The following TMEM17 variants were observed in gnomAD, a reference collection of about 807,000 sequenced individuals.
The protein encoded by TMEM17 is transmembrane protein 17.
A neutral mutation model predicts 19.1 loss-of-function variants in TMEM17; 15 were observed. The ratio of observed to expected loss-of-function variants is 0.78; its 90% CI spans 0.52 to 1.21. The LOEUF is 1.21. Ranked by LOEUF, TMEM17 falls within the 50% of genes most tolerant of loss-of-function variation. The probability of loss-of-function intolerance (pLI) is 0.00; values close to 1 mark genes in which losing one functional copy is unlikely to be tolerated. For missense variants in TMEM17, 245 were observed against 242.3 expected (o/e 1.01, Z -0.07); for synonymous variants, 103 against 86.9 (o/e 1.19, Z -1.03).
At chr2:62,470,938 G>A in the TMEM17 span, among the ~76,000 whole-genome samples, 1 of 152,212 alleles carries the variant, frequency 6.6e-6, no homozygotes, top group South Asian at 2.1e-4. Flanking sequence ...AGCAAAGCCT[G>A]TTTGCAAACA....
the TMEM17 span, among the ~76,000 whole-genome samples, chr2:62,477,838 C>G: frequency 6.6e-6 from 1 of 152,336 alleles, no homozygotes; most frequent in East Asian, 1.9e-4. Flanking sequence ...CAGAGCATCT[C>G]TACATTCCTT....
At chr2:62,464,640 A>G in the TMEM17 span, among the ~76,000 whole-genome samples, 1 of 152,238 alleles carries the variant, frequency 6.6e-6, no homozygotes, top group African/African-American at 2.4e-5. Context: ...GGGAAATTGC[A>G]ACAGAGAAAG....
rs1044780562 is a variant in TMEM17, at chr2:62,506,120, G to T, written c.10C>A (p.Pro4Thr). 11 of 1,609,216 alleles carry T rather than the reference G, an allele frequency of 6.8e-6. No individual in the cohort carries two copies. The highest frequency in any genetic ancestry group is 9.3e-6 in the Non-Finnish European group (11 of 1,178,126). MEL[P>T]DPVRQRLGNF... is the part of the protein sequence containing the mutation. ...CCCAGCCGCTGGCGCACCGGATCCG[G>T]CAGCTCCATGCCTGGGCCTCAGTAT... Residue 4 changes from proline to threonine, a missense_variant, in exon 1 of 4, where the codon CCG (proline) becomes ACG (threonine). Pro to Thr is a conservative substitution (Grantham distance 38). Transcript: ENST00000335390.
chr2:62,500,413 C>T lies in TMEM17; in HGVS notation c.*796G>A, dbSNP rs1316963917. The T allele has an allele frequency of 6.6e-6, 1 of 152,026 alleles. No individual in the cohort carries two copies. Among genetic ancestry groups the T allele is most frequent in the African/African-American group, 2.4e-5 (1 of 41,392 alleles). 9.4% of individuals were successfully genotyped at this position (152,026 alleles called of 1,614,324 possible). A position where few individuals can be genotyped will look rare whatever the true frequency, so the allele number is the denominator to read the frequency against. ...TATTAGGGTTAGAATTTAACCCTAGCAGACATGAAAATTTGGTCTCTTGTT... is the reference window on the plus strand; with the variant it reads ...TATTAGGGTTAGAATTTAACCCTAGTAGACATGAAAATTTGGTCTCTTGTT... On this transcript the variant is annotated 3_prime_UTR_variant, in exon 4 of 4. Transcript: ENST00000335390.
At chr2:62,491,011 G>A in the TMEM17 span, among the ~76,000 whole-genome samples, 10 of 147,170 alleles carry the variant, frequency 6.8e-5, no homozygotes, top group Middle Eastern at 3.4e-3. Context: ...CCCAGGAGGC[G>A]GAGGTTGCAG....
At chr2:62,481,100 T>C in the TMEM17 span, among the ~76,000 whole-genome samples, 4 of 152,168 alleles carry the variant, frequency 2.6e-5, no homozygotes, top group African/African-American at 9.6e-5. Flanking sequence ...TCTCTTTAAT[T>C]TATTTCATCA....
At chr2:62,482,439 A>G in the TMEM17 span, among the ~76,000 whole-genome samples, 1 of 152,198 alleles carries the variant, frequency 6.6e-6, no homozygotes, top group Admixed American at 6.5e-5. Flanking sequence ...AGTTGTAGTG[A>G]GCATGTTGTT....
the TMEM17 span, among the ~76,000 whole-genome samples, chr2:62,482,901 G>A: frequency 6.6e-6 from 1 of 152,172 alleles, no homozygotes; most frequent in East Asian, 1.9e-4. Context: ...GCTAAAAAGA[G>A]ACTAATAAAC....
At chr2:62,482,577 T>G in the TMEM17 span, among the ~76,000 whole-genome samples, 1 of 152,208 alleles carries the variant, frequency 6.6e-6, no homozygotes, top group African/African-American at 2.4e-5. Context: ...AACATCTTAT[T>G]CTGTTGGTCA....
At chr2:62,490,190 TAATC>T in the TMEM17 span, among the ~76,000 whole-genome samples, 5 of 152,000 alleles carry the variant, frequency 3.3e-5, no homozygotes, top group Non-Finnish European at 7.4e-5. Context: ...GAAAGAAAAA[TAATC>T]AATGAGTTCC....
chr2:62,499,194 A>C (rs1411822599), downstream of TMEM17, among the ~76,000 whole-genome samples: 1 of 152,158 alleles, frequency 6.6e-6, no homozygotes, highest in Non-Finnish European at 1.5e-5. Context: ...ACAGTTTAAA[A>C]ATTTTTTTAT....
the TMEM17 span, among the ~76,000 whole-genome samples, chr2:62,479,889 C>CAAA: frequency 2.3e-3 from 155 of 68,852 alleles, no homozygotes; most frequent in African/African-American, 3.5e-3. Context: ...AGACCTGTCT[C>CAAA]AAAAAAAAAA....
chr2:62,470,016 C>T, the TMEM17 span, among the ~76,000 whole-genome samples: 2 of 152,180 alleles, frequency 1.3e-5, no homozygotes, highest in African/African-American at 4.8e-5. Context: ...CCAGCATGTC[C>T]TCTCATTTTC....
chr2:62,477,412 A>AAAG, the TMEM17 span, among the ~76,000 whole-genome samples: 4 of 152,212 alleles, frequency 2.6e-5, no homozygotes, highest in Admixed American at 6.5e-5. Flanking sequence ...AAACAAAAAA[A>AAAG]TCTCTCAGGG....
At chr2:62,455,239 GC>G in the TMEM17 span, among the ~76,000 whole-genome samples, 1 of 152,088 alleles carries the variant, frequency 6.6e-6, no homozygotes, top group Non-Finnish European at 1.5e-5. Context: ...TCTGTGTCTT[GC>G]TTCTTTTGCT....
At chr2:62,471,889 T>G in the TMEM17 span, among the ~76,000 whole-genome samples, 1 of 152,272 alleles carries the variant, frequency 6.6e-6, no homozygotes, top group Non-Finnish European at 1.5e-5. Flanking sequence ...TAGTCGTCTA[T>G]GGTGTTTCAG....
chr2:62,471,844 T>C, the TMEM17 span, among the ~76,000 whole-genome samples: 1 of 152,246 alleles, frequency 6.6e-6, no homozygotes, highest in East Asian at 1.9e-4. Context: ...GCAAAGCATT[T>C]AATGTCTGAA....
the TMEM17 span, among the ~76,000 whole-genome samples, chr2:62,483,721 T>C: frequency 6.6e-6 from 1 of 151,582 alleles, no homozygotes; most frequent in Non-Finnish European, 1.5e-5. Flanking sequence ...TGCCTCAGCC[T>C]CCTGAGTAGC....
chr2:62,483,884 A>AG, the TMEM17 span, among the ~76,000 whole-genome samples: 1 of 152,112 alleles, frequency 6.6e-6, no homozygotes, highest in Non-Finnish European at 1.5e-5. Flanking sequence ...TACAGGTGTG[A>AG]GCCACCACAC....
Sources: allele counts gnomAD v4.1 joint callset (sites outside exome capture counted in the v4.1 genomes callset), GRCh38; gene constraint gnomAD v4.1.1; transcripts MANE v1.5; gene names NCBI Gene and HGNC (gene_info 2026-07-23, HGNC 2026-07-21).